Variants in WNT7B observed in about 807,000 individuals in gnomAD.
WNT7B encodes the protein Wnt family member 7B.
Under a neutral mutation model 38.2 loss-of-function variants are expected in WNT7B, and 19 were observed. The ratio of observed to expected loss-of-function variants is 0.50; its 90% CI spans 0.35 to 0.73. The LOEUF (loss-of-function observed/expected upper bound fraction) is 0.73. Ranked by LOEUF, WNT7B falls within the 30% of genes least tolerant of loss-of-function variation. WNT7B has a pLI of 0.01. For missense variants in WNT7B, 423 were observed against 507.9 expected, an observed-to-expected ratio of 0.83 and a Z score of 1.61; for synonymous variants, 243 against 209.3, an observed-to-expected ratio of 1.16 and a Z score of -1.39.
chr22:45,944,707 G>C (rs1287533878), intron 2 of WNT7B, among the ~76,000 whole-genome samples: 1 of 152,378 alleles, frequency 6.6e-6, no homozygotes, highest in Middle Eastern at 3.4e-3. Flanking sequence ...CCATTGGCCT[G>C]TGCTCACCCA....
chr22:45,927,342 C>G lies in WNT7B; in HGVS notation c.570+3756G>C, dbSNP rs895965185. 11 of 1,465,162 alleles carry G rather than the reference C, an allele frequency of 7.5e-6. No homozygotes were observed. The African/African-American group carries it at 1.4e-4, about 19-fold the overall frequency. The allele number at this position is 1,465,162 out of a possible 1,614,324, so 90.8% of individuals were successfully genotyped here. ...GGGGAAGGGCAGCCAGGGCCTTGGTCTGGTAGAAGTGGGGGCAGGGCGGGG... is the reference window on the plus strand; with the variant it reads ...GGGGAAGGGCAGCCAGGGCCTTGGTGTGGTAGAAGTGGGGGCAGGGCGGGG... On this transcript the variant is annotated intron_variant, in intron 3 of 3. Coordinates refer to ENST00000339464, the MANE Select transcript of WNT7B (RefSeq NM_058238.3).
At chr22:45,953,226 TC>T (rs1460213042) in intron 1 of WNT7B, among the ~76,000 whole-genome samples, 93 of 50,542 alleles carry the variant, frequency 1.8e-3, no homozygotes, top group Non-Finnish European at 2.6e-3. Context: ...CACCGTGTCC[TC>T]GGCTTCCCCT....
At chr22:45,946,010 A>G (rs1931786084) in intron 2 of WNT7B, among the ~76,000 whole-genome samples, 1 of 152,192 alleles carries the variant, frequency 6.6e-6, no homozygotes, top group African/African-American at 2.4e-5. Flanking sequence ...GGGGCCCAAG[A>G]GCACGCAGTC....
intron 1 of WNT7B, among the ~76,000 whole-genome samples, chr22:45,956,148 A>T (rs1352821953): frequency 6.6e-6 from 1 of 152,162 alleles, no homozygotes; most frequent in African/African-American, 2.4e-5. Context: ...GGCCAGCCCC[A>T]CAGCCCTGGG....
In WNT7B at chr22:45,966,547, C is replaced by T. The variant is rs1932316081; in HGVS notation, c.71+10137G>A. Reference sequence around the variant, plus strand: ...CCAGGGGATGCTCACTCGGGCTCTTCTCCGTTGCTGCTGACACCCGGCAAG... The same window carrying T: ...CCAGGGGATGCTCACTCGGGCTCTTTTCCGTTGCTGCTGACACCCGGCAAG... On this transcript the variant is annotated intron_variant, in intron 1 of 3. Transcript: ENST00000339464. This position sits in a 1 kb window ranked among gnomAD's most constrained non-coding sequence, Gnocchi z 4.2. Among the ~76,000 whole-genome samples, 1 of 152,208 alleles carries T rather than the reference C, an allele frequency of 6.6e-6. No homozygotes were observed. The highest frequency in any genetic ancestry group is 2.4e-5 in the African/African-American group (1 of 41,448).
intron 2 of WNT7B, among the ~76,000 whole-genome samples, chr22:45,939,655 A>T (rs925338111): frequency 5.9e-5 from 9 of 151,926 alleles, no homozygotes; most frequent in South Asian, 4.2e-4. Flanking sequence ...ACACTCACAC[A>T]CACACACACA....
intron 2 of WNT7B, 33 bp downstream of exon 2, chr22:45,949,887 G>C: frequency 6.3e-7 from 1 of 1,586,616 alleles, no homozygotes; most frequent in Non-Finnish European, 8.6e-7. Context: ...TGGCCACAAT[G>C]GCTGGGCCCC....
At chr22:45,938,784 T>C (rs138676597) in intron 2 of WNT7B, among the ~76,000 whole-genome samples, 310 of 152,260 alleles carry the variant, frequency 2.0e-3, no homozygotes, top group South Asian at 4.1e-3. Flanking sequence ...TCCCAACACA[T>C]AGAAATGATA....
At chr22:45,964,967 T>G (rs1007940024) in intron 1 of WNT7B, among the ~76,000 whole-genome samples, 50 of 151,996 alleles carry the variant, frequency 3.3e-4, no homozygotes, top group African/African-American at 1.2e-3. Context: ...CCTCCATGCC[T>G]CCCCATCCTC....
intron 2 of WNT7B, among the ~76,000 whole-genome samples, chr22:45,932,940 TAGAG>T (rs1931412780): frequency 6.6e-6 from 1 of 152,204 alleles, no homozygotes; most frequent in East Asian, 1.9e-4. Context: ...AGCCCGCAGA[TAGAG>T]AGGCAAGTCA....
At chr22:45,937,535 C>T (rs553627595) in intron 2 of WNT7B, among the ~76,000 whole-genome samples, 1 of 152,340 alleles carries the variant, frequency 6.6e-6, no homozygotes, top group South Asian at 2.1e-4. Context: ...CGTGGGCAGA[C>T]ACACATTTGG....
rs1024880603 is a variant in WNT7B at position 45,926,133 on chromosome 22, C to G, written c.571-2798G>C. The G allele has an allele frequency of 8.1e-6, 8 of 985,324 alleles. No homozygotes were observed. The Admixed American group carries it at 1.8e-4, about 23-fold the overall frequency. 61.0% of individuals were successfully genotyped at this position (985,324 alleles called of 1,614,324 possible). ...TGCTTGCAGAGCGAGGGGCCACATC[C>G]TCGCTTGGCTGGATCCCTTGGGTCA... On this transcript the variant is annotated intron_variant, in intron 3 of 3. Transcript: ENST00000339464.
chr22:45,930,267 T>G (rs992665347), intron 3 of WNT7B, among the ~76,000 whole-genome samples: 5 of 152,244 alleles, frequency 3.3e-5, no homozygotes, highest in African/African-American at 1.2e-4. Context: ...GAGTGACCAG[T>G]GGCCTCAGCT....
chr22:45,958,786 G>A (rs75792977), intron 1 of WNT7B, among the ~76,000 whole-genome samples: 3,569 of 152,274 alleles, frequency 0.023, 133 homozygotes, highest in African/African-American at 0.08. Flanking sequence ...AGACAGCGGG[G>A]GCAGGATGGG....
intron 1 of WNT7B, among the ~76,000 whole-genome samples, chr22:45,973,592 CAG>C (rs1346885636): frequency 1.3e-5 from 2 of 152,184 alleles, no homozygotes; most frequent in Non-Finnish European, 2.9e-5. Flanking sequence ...TTCCAGTGAG[CAG>C]AGAGTGTCCA....
intron 2 of WNT7B, among the ~76,000 whole-genome samples, chr22:45,933,780 A>G (rs1931440539): frequency 6.6e-6 from 1 of 152,204 alleles, no homozygotes. Context: ...TGGCTGTGAC[A>G]GGCGTGCACT....
intron 2 of WNT7B, among the ~76,000 whole-genome samples, chr22:45,933,936 G>A (rs1196848543): frequency 6.6e-6 from 1 of 152,194 alleles, no homozygotes; most frequent in Non-Finnish European, 1.5e-5. Flanking sequence ...GGGAGGGCTG[G>A]ATGTCAGGGC....
rs1297124801 is a variant in WNT7B at position 45,931,330 on chromosome 22, G to A, written c.338C>T (p.Ala113Val). ...EAAFTYAITA[A>V]GVAHAVTAAC... Reference sequence around the variant, plus strand: ...AGCGGTGACGGCGTGCGCCACGCCAGCCGCGGTGATGGCGTACGTGAAGGC... The same window carrying A: ...AGCGGTGACGGCGTGCGCCACGCCAACCGCGGTGATGGCGTACGTGAAGGC... Residue 113 changes from alanine to valine, a missense_variant, in exon 3 of 4, where the codon GCT (alanine) becomes GTT (valine). Physicochemically the swap from Ala to Val is moderately conservative, Grantham distance 64. This residue lies in a region of WNT7B where 133 missense variants were observed against 179.8 expected (regional missense o/e 0.74). Transcript: ENST00000339464. 3 of 1,596,172 alleles carry A rather than the reference G, an allele frequency of 1.9e-6. No homozygotes were observed. Among genetic ancestry groups the A allele is most frequent in the Non-Finnish European group, 2.5e-6 (3 of 1,178,426 alleles).
intron 3 of WNT7B, among the ~76,000 whole-genome samples, chr22:45,923,653 T>C (rs1326468581): frequency 6.6e-6 from 1 of 152,216 alleles, no homozygotes; most frequent in East Asian, 1.9e-4. Flanking sequence ...ATCCTGGTCA[T>C]GCACTGGTGA....
Sources: gnomAD v4.1 joint callset for allele counts (sites outside exome capture counted in the v4.1 genomes callset) on GRCh38, gnomAD v4.1.1 for gene constraint, gnomAD v4.1.1 regional missense constraint, Gnocchi (gnomAD v3.1) non-coding constraint, MANE v1.5 for transcripts, NCBI Gene and HGNC (gene_info 2026-07-23, HGNC 2026-07-21) for gene names.